PTPN11: variants seen among roughly 807,000 people sequenced by gnomAD.
The protein encoded by PTPN11 is protein tyrosine phosphatase non-receptor type 11, also known as tyrosine-protein phosphatase non-receptor type 11.
A neutral mutation model predicts 78.8 loss-of-function variants in PTPN11; 6 were observed. The observed-to-expected ratio is 0.08, with a 90% confidence interval of 0.04 to 0.15. The LOEUF (loss-of-function observed/expected upper bound fraction) is 0.15. Ranked by LOEUF, PTPN11 falls within the 10% of genes least tolerant of loss-of-function variation. The probability of loss-of-function intolerance (pLI) is 1.00; values close to 1 mark genes in which losing one functional copy is unlikely to be tolerated. For missense variants in PTPN11, 386 were observed against 744.8 expected (o/e 0.52, Z 5.61); for synonymous variants, 221 against 263.5 (o/e 0.84, Z 1.56).
chr12:112,419,009 T>C lies in PTPN11; in HGVS notation c.-103T>C. On this transcript the variant is annotated 5_prime_UTR_variant, in exon 1 of 16. Transcript: ENST00000351677. ...CGCGGCCGGCTGGCTCTGCCCCGCG[T>C]CCGGTCCCGAGCGGGCCTCCCTCGG... is the stretch of plus-strand genomic sequence containing the variant. 4.8e-6 allele frequency: 7 copies of C among 1,451,744 alleles called. No homozygotes were observed. The highest frequency in any genetic ancestry group is 5.6e-6 in the Non-Finnish European group (6 of 1,075,182). The allele number at this position is 1,451,744 out of a possible 1,614,324, so 89.9% of individuals were successfully genotyped here. A position where few individuals can be genotyped will look rare whatever the true frequency, so the allele number is the denominator to read the frequency against.
At chr12:112,449,171 G>A (rs1349250844) in intron 2 of PTPN11, among the ~76,000 whole-genome samples, 1 of 149,060 alleles carries the variant, frequency 6.7e-6, no homozygotes, top group Non-Finnish European at 1.5e-5. Flanking sequence ...ACAGACGTGA[G>A]CCACCATGCC....
intron 1 of PTPN11, among the ~76,000 whole-genome samples, chr12:112,421,758 C>T (rs2037525144): frequency 6.6e-6 from 1 of 152,072 alleles, no homozygotes; most frequent in Non-Finnish European, 1.5e-5. Context: ...TTTCCGGTTA[C>T]TGGGGCTACA....
chr12:112,439,821 C>T (rs2037855244), intron 1 of PTPN11, among the ~76,000 whole-genome samples: 1 of 150,980 alleles, frequency 6.6e-6, no homozygotes, highest in African/African-American at 2.4e-5. Flanking sequence ...AAACCCAAAC[C>T]ATAAACCCAA....
At position 112,454,686 on chromosome 12, in the gene PTPN11, C is replaced by A. The variant is rs2135869986; in HGVS notation, c.642+6C>A. 2 of 1,592,226 alleles carry A rather than the reference C, an allele frequency of 1.3e-6. No homozygotes were observed. The highest frequency in any genetic ancestry group is 1.7e-6 in the Non-Finnish European group (2 of 1,160,246). ...CAGTACTACAACTCAAGCAGGTGAG[C>A]AGATTGGAAAGCTCAAGCTTTCTCC... On this transcript the variant is annotated splice_donor_region_variant and intron_variant, in intron 5 of 15. Coordinates refer to ENST00000351677, the MANE Select transcript of PTPN11 (RefSeq NM_002834.5).
chr12:112,485,142 G>A (rs1342390028), intron 10 of PTPN11, among the ~76,000 whole-genome samples: 3 of 151,970 alleles, frequency 2.0e-5, no homozygotes, highest in Non-Finnish European at 2.9e-5. Context: ...CCAGCTACTC[G>A]GGAGTCGAGT....
At chr12:112,422,563 G>A (rs2037539271) in intron 1 of PTPN11, among the ~76,000 whole-genome samples, 1 of 152,196 alleles carries the variant, frequency 6.6e-6, no homozygotes, top group Non-Finnish European at 1.5e-5. Context: ...TGAGACTGGA[G>A]GCTTTTGGTT....
At position 112,489,316 on chromosome 12, in the gene PTPN11, C is replaced by CAAACTCCCAA; in HGVS notation, c.1599+141_1599+142insAAACTCCCAA. On this transcript the variant is annotated intron_variant, in intron 13 of 15. Transcript: ENST00000351677. ...GGAAACAAACTCCCAACTAAAAGGG[C>CAAACTCCCAA]CTCTGGAAACTGTCAATTATTCTCC... 3.0e-6 allele frequency: 3 copies of CAAACTCCCAA among 995,724 alleles called. No individual in the cohort carries two copies. In the South Asian group the frequency reaches 3.9e-5, roughly 13 times the overall value. 61.7% of individuals were successfully genotyped at this position (995,724 alleles called of 1,614,324 possible). A position where few individuals can be genotyped will look rare whatever the true frequency, so the allele number is the denominator to read the frequency against.
intron 1 of PTPN11, among the ~76,000 whole-genome samples, chr12:112,446,041 C>A (rs529993114): frequency 2.6e-5 from 4 of 152,230 alleles, no homozygotes; most frequent in African/African-American, 9.6e-5. Flanking sequence ...ACCCTAGCCC[C>A]CAGTCCCTCT....
At chr12:112,481,094 G>T (rs1566182789) in intron 9 of PTPN11, among the ~76,000 whole-genome samples, 1 of 152,190 alleles carries the variant, frequency 6.6e-6, no homozygotes, top group Non-Finnish European at 1.5e-5. Context: ...GGAGGTATCA[G>T]ATGGGTCTGG....
At chr12:112,479,288 T>G (rs990255451) in intron 9 of PTPN11, among the ~76,000 whole-genome samples, 7 of 152,192 alleles carry the variant, frequency 4.6e-5, no homozygotes, top group African/African-American at 1.7e-4. Flanking sequence ...TTCTGTGTTT[T>G]TGTTTGTGTT....
chr12:112,480,448 G>T (rs2107205), intron 9 of PTPN11, among the ~76,000 whole-genome samples: 34,106 of 150,500 alleles, frequency 0.23, 6,370 homozygotes, highest in East Asian at 0.85. Flanking sequence ...ATCACTGCAG[G>T]CTCCGCCTCC....
chr12:112,444,038 A>G (rs1213996881), intron 1 of PTPN11, among the ~76,000 whole-genome samples: 1 of 152,026 alleles, frequency 6.6e-6, no homozygotes, highest in African/African-American at 2.4e-5. Context: ...TGATCTTCCC[A>G]TCACAGCCCC....
intron 2 of PTPN11, among the ~76,000 whole-genome samples, chr12:112,448,592 G>A (rs1196442293): frequency 1.3e-5 from 2 of 151,988 alleles, no homozygotes; most frequent in Non-Finnish European, 2.9e-5. Context: ...ACATCAAGTA[G>A]AACATTAAAT....
In PTPN11 at chr12:112,482,362, T is replaced by A. The variant is rs570667984; in HGVS notation, c.1224+157T>A. ...GCTTCCTTCTATGTGCCAGGTACAG[T>A]TTAAGCAGTACTGGTACATTGTGAA... On this transcript the variant is annotated intron_variant, in intron 10 of 15. Coordinates refer to ENST00000351677, the MANE Select transcript of PTPN11 (RefSeq NM_002834.5). The surrounding 1 kb of genome is among the most constrained non-coding windows in gnomAD (Gnocchi z 4.4). 7.2e-5 allele frequency among the ~76,000 whole-genome samples: 11 copies of A among 152,318 alleles called. No individual in the cohort carries two copies. In the South Asian group the frequency reaches 1.4e-3, roughly 20 times the overall value.
chr12:112,432,893 C>G (rs190033809), intron 1 of PTPN11, among the ~76,000 whole-genome samples: 296 of 151,150 alleles, frequency 2.0e-3, no homozygotes, highest in Non-Finnish European at 3.0e-3. Flanking sequence ...TGGAGTCTTG[C>G]TGTGTCACCC....
chr12:112,480,277 G>A (rs532910666), intron 9 of PTPN11, among the ~76,000 whole-genome samples: 1 of 151,944 alleles, frequency 6.6e-6, no homozygotes, highest in Non-Finnish European at 1.5e-5. Context: ...ACTAAAATTT[G>A]CATCAAATCT....
In PTPN11 at chr12:112,419,035, G is replaced by A. The variant is rs766412799; in HGVS notation, c.-77G>A. 2,371 of 1,527,482 alleles carry A rather than the reference G, an allele frequency of 1.6e-3. 1 individual carries two copies. Among genetic ancestry groups the A allele is most frequent in the Non-Finnish European group, 1.8e-3 (2,042 of 1,139,578 alleles). 94.6% of individuals were successfully genotyped at this position (1,527,482 alleles called of 1,614,324 possible). ...CCGGTCCCGAGCGGGCCTCCCTCGG[G>A]CCAGCCCGATGTGACCGAGCCCAGC... On this transcript the variant is annotated 5_prime_UTR_variant, in exon 1 of 16. Coordinates refer to ENST00000351677, the MANE Select transcript of PTPN11 (RefSeq NM_002834.5).
In PTPN11 at chr12:112,506,581, A is replaced by C. The variant is rs2038938345; in HGVS notation, c.*789A>C. The C allele has an allele frequency of 6.6e-6, 1 of 152,214 alleles. No homozygotes were observed. Among genetic ancestry groups the C allele is most frequent in the Admixed American group, 6.5e-5 (1 of 15,278 alleles). 9.4% of individuals were successfully genotyped at this position (152,214 alleles called of 1,614,324 possible). A position where few individuals can be genotyped will look rare whatever the true frequency, so the allele number is the denominator to read the frequency against. ...AGAAAAAAGGCGTCTATGAATGACCAGTGTTTTTGGTCGCCAAATGTTGCT... is the reference window on the plus strand; with the variant it reads ...AGAAAAAAGGCGTCTATGAATGACCCGTGTTTTTGGTCGCCAAATGTTGCT... On this transcript the variant is annotated 3_prime_UTR_variant, in exon 16 of 16. Coordinates refer to ENST00000351677, the MANE Select transcript of PTPN11 (RefSeq NM_002834.5).
chr12:112,493,110 G>A (rs570731255), intron 13 of PTPN11, among the ~76,000 whole-genome samples: 1 of 151,358 alleles, frequency 6.6e-6, no homozygotes, highest in African/African-American at 2.4e-5. Flanking sequence ...TAAGGCTGGA[G>A]TGCAGTGCCA....
Sources: gnomAD v4.1 joint callset for allele counts (sites outside exome capture counted in the v4.1 genomes callset) on GRCh38, gnomAD v4.1.1 for gene constraint, Gnocchi (gnomAD v3.1) non-coding constraint, MANE v1.5 for transcripts, NCBI Gene and HGNC (gene_info 2026-07-23, HGNC 2026-07-21) for gene names.